Variants in SLC25A31 observed in about 807,000 individuals in gnomAD.
SLC25A31 encodes the protein ADP/ATP translocase 4.
In SLC25A31, 40 loss-of-function variants were observed where a neutral mutation model predicts 36.2. That is an observed-to-expected ratio of 1.10 (90% CI 0.86 to 1.44). The LOEUF (loss-of-function observed/expected upper bound fraction) is 1.44. SLC25A31 is among the 40% of genes most tolerant of loss of function. The pLI is 0.00. For missense variants in SLC25A31, 350 were observed against 397.1 expected, an observed-to-expected ratio of 0.88 and a Z score of 1.01; for synonymous variants, 143 against 149.7, an observed-to-expected ratio of 0.96 and a Z score of 0.32.
intron 5 of SLC25A31, 145 bp from the exon 6 acceptor site, chr4:127,773,241 C>G (rs1244972110): frequency 3.3e-6 from 2 of 598,884 alleles, no homozygotes; most frequent in African/African-American, 3.8e-5. Context: ...GTTCTCTAAC[C>G]ACCAGGGACA....
chr4:127,745,430 A>G (rs1347203218), intron 2 of SLC25A31, among the ~76,000 whole-genome samples: 9 of 152,000 alleles, frequency 5.9e-5, no homozygotes, highest in Non-Finnish European at 7.4e-5. Flanking sequence ...GCAATACACT[A>G]TACTACCTAC....
At position 127,747,973 on chromosome 4, in the gene SLC25A31, A is replaced by G. The variant is rs75291901; in HGVS notation, c.360+3174A>G. 5.1e-3 allele frequency among the ~76,000 whole-genome samples: 779 copies of G among 152,352 alleles called. 7 individuals are homozygous for G. The highest frequency in any genetic ancestry group is 0.018 in the African/African-American group (751 of 41,578). ...GTTGTCCCATCCTAGTGAATCATGT[A>G]GACAGAATACTTACTTCCCAAGAAC... On this transcript the variant is annotated intron_variant, in intron 2 of 5. Transcript: ENST00000281154.
At chr4:127,739,491 T>C (rs1337266105) in intron 1 of SLC25A31, among the ~76,000 whole-genome samples, 1 of 152,224 alleles carries the variant, frequency 6.6e-6, no homozygotes, top group African/African-American at 2.4e-5. Context: ...TCTTTGTACA[T>C]GATCTGACCT....
At chr4:127,749,418 G>A (rs1731884289) in intron 2 of SLC25A31, among the ~76,000 whole-genome samples, 1 of 152,084 alleles carries the variant, frequency 6.6e-6, no homozygotes, top group Admixed American at 6.5e-5. Flanking sequence ...AAGCTCAGAG[G>A]ACTCCAAGCA....
intron 4 of SLC25A31, 58 bp from the exon 5 acceptor site, chr4:127,768,694 A>C (rs1732292483): frequency 7.8e-6 from 11 of 1,414,854 alleles, no homozygotes; most frequent in Non-Finnish European, 1.0e-5. Context: ...CCTTTAACTT[A>C]AGAATTTAAG....
intron 5 of SLC25A31, among the ~76,000 whole-genome samples, chr4:127,769,877 G>C (rs1732319780): frequency 6.6e-6 from 1 of 152,210 alleles, no homozygotes; most frequent in Non-Finnish European, 1.5e-5. Flanking sequence ...TTGAGAAGTA[G>C]TTCAGGATAG....
chr4:127,738,633 A>G (rs756356553), intron 1 of SLC25A31, among the ~76,000 whole-genome samples: 31 of 152,144 alleles, frequency 2.0e-4, no homozygotes, highest in Non-Finnish European at 4.4e-4. Flanking sequence ...TCGAATGGTC[A>G]AGTGTGGAAT....
At chr4:127,762,641 G>A (rs560106209) in intron 2 of SLC25A31, among the ~76,000 whole-genome samples, 2 of 152,240 alleles carry the variant, frequency 1.3e-5, no homozygotes, top group South Asian at 4.1e-4. Context: ...AGTCTGGGCC[G>A]GGCGCAGTGG....
intron 1 of SLC25A31, among the ~76,000 whole-genome samples, chr4:127,736,996 A>G (rs1332453106): frequency 2.0e-5 from 3 of 152,224 alleles, no homozygotes; most frequent in Non-Finnish European, 4.4e-5. Context: ...ACTCCCAAAA[A>G]TAGTTAGAAA....
At chr4:127,764,678 T>C (rs1219647397) in intron 3 of SLC25A31, among the ~76,000 whole-genome samples, 1 of 152,202 alleles carries the variant, frequency 6.6e-6, no homozygotes, top group African/African-American at 2.4e-5. Context: ...GGCTCCCTTC[T>C]AGGTTAGATG....
intron 1 of SLC25A31, among the ~76,000 whole-genome samples, chr4:127,735,876 A>ATTTTTTTTTTT (rs1560630392): frequency 1.4e-5 from 1 of 73,748 alleles, no homozygotes; most frequent in African/African-American, 4.8e-5. Flanking sequence ...TATTTTATTT[A>ATTTTTTTTTTT]TTTATTTATT....
intron 4 of SLC25A31, among the ~76,000 whole-genome samples, chr4:127,767,499 C>G (rs747206597): frequency 6.6e-6 from 1 of 152,122 alleles, no homozygotes; most frequent in Admixed American, 6.5e-5. Flanking sequence ...ATTAAGCTTA[C>G]ATCATAATCA....
intron 1 of SLC25A31, among the ~76,000 whole-genome samples, chr4:127,737,398 A>G (rs1731651905): frequency 6.6e-6 from 1 of 152,174 alleles, no homozygotes; most frequent in Non-Finnish European, 1.5e-5. Flanking sequence ...ATTTTTCTCA[A>G]AGGAACACAT....
chr4:127,770,524 G>C (rs902708169), intron 5 of SLC25A31, among the ~76,000 whole-genome samples: 5 of 152,030 alleles, frequency 3.3e-5, no homozygotes, highest in African/African-American at 1.2e-4. Context: ...TACTCGGGAG[G>C]CTGAGGCAGG....
At chr4:127,734,168 A>G (rs1003228413) in intron 1 of SLC25A31, among the ~76,000 whole-genome samples, 2 of 152,254 alleles carry the variant, frequency 1.3e-5, no homozygotes, top group African/African-American at 4.8e-5. Context: ...AGTCACCACA[A>G]TTAACATTTT....
At chr4:127,749,382 G>A (rs1178501749) in intron 2 of SLC25A31, among the ~76,000 whole-genome samples, 1 of 152,118 alleles carries the variant, frequency 6.6e-6, no homozygotes, top group South Asian at 2.1e-4. Context: ...CAAATCTTTG[G>A]AAATGTATGG....
chr4:127,749,604 T>C (rs1731889774), intron 2 of SLC25A31, among the ~76,000 whole-genome samples: 1 of 150,592 alleles, frequency 6.6e-6, no homozygotes, highest in Admixed American at 6.7e-5. Context: ...ATTAGCTGGG[T>C]ATGGTGAGGC....
chr4:127,769,728 T>C (rs1255546796), intron 5 of SLC25A31, among the ~76,000 whole-genome samples: 2 of 152,164 alleles, frequency 1.3e-5, no homozygotes, highest in African/African-American at 4.8e-5. Flanking sequence ...GTTCCAGGAA[T>C]ACATAGAGGA....
Position 127,760,867 on chromosome 4 carries a change from G to A in SLC25A31, c.361-3376G>A, listed in dbSNP as rs1265229613. Among the ~76,000 whole-genome samples the A allele has an allele frequency of 2.0e-5, 3 of 151,992 alleles. No homozygotes were observed. The South Asian group carries it at 6.2e-4, about 32-fold the overall frequency. On this transcript the variant is annotated intron_variant, in intron 2 of 5. Coordinates refer to ENST00000281154, the MANE Select transcript of SLC25A31 (RefSeq NM_031291.4). ...ATCCTGGCTAACATGGTGAAACCCC[G>A]TCTCTACTAAAAATACAAAAAATTA...
Sources: gnomAD v4.1 joint callset for allele counts (sites outside exome capture counted in the v4.1 genomes callset) on GRCh38, gnomAD v4.1.1 for gene constraint, MANE v1.5 for transcripts, NCBI Gene and HGNC (gene_info 2026-07-23, HGNC 2026-07-21) for gene names.